SCNN1A: variants seen among roughly 807,000 people sequenced by gnomAD.
The protein encoded by SCNN1A is sodium channel epithelial 1 subunit alpha.
SCNN1A carries 65 observed loss-of-function variants against 68.6 expected under a neutral mutation model. That is an observed-to-expected ratio of 0.95 (90% CI 0.78 to 1.16). The LOEUF is 1.16. SCNN1A is among the 50% of genes most tolerant of loss of function. The probability of loss-of-function intolerance (pLI) is 0.00; values close to 1 mark genes in which losing one functional copy is unlikely to be tolerated. For missense variants in SCNN1A, 880 were observed against 865.9 expected, an observed-to-expected ratio of 1.02 and a Z score of -0.20; for synonymous variants, 357 against 353.3, an observed-to-expected ratio of 1.01 and a Z score of -0.12.
intron 3 of SCNN1A, 22 bp downstream of exon 3, chr12:6,363,421 C>T (rs1214783843): frequency 1.3e-6 from 2 of 1,514,854 alleles, no homozygotes; most frequent in Non-Finnish European, 1.8e-6. Context: ...CGGGGCGGGC[C>T]CCTCGGCGCT....
At chr12:6,375,125 CA>C (rs1437073241) in intron 1 of SCNN1A, 4 of 1,487,964 alleles carry the variant, frequency 2.7e-6, no homozygotes, top group Non-Finnish European at 2.7e-6. Flanking sequence ...TTTGTCCTAG[CA>C]CCTCCCTTTC....
rs749129164 is a variant in SCNN1A at position 6,349,363 on chromosome 12, T to A, written c.1403A>T (p.His468Leu). The change falls in exon 9 of 13, where the codon CAC (histidine) becomes CTC (leucine). Residue 468 changes from histidine to leucine, a missense_variant. Coordinates refer to ENST00000228916, the MANE Select transcript of SCNN1A (RefSeq NM_001038.6). Reference protein sequence around the residue: ...YKLQVDFSSDHLGCFTKCRKP... With the variant: ...YKLQVDFSSDLLGCFTKCRKP... Reference sequence around the variant, plus strand: ...CCGGCACTTGGTGAAACAGCCCAGGTGGTCTGAGGAGAAGTCAACCTGGAG... The same window carrying A: ...CCGGCACTTGGTGAAACAGCCCAGGAGGTCTGAGGAGAAGTCAACCTGGAG... 1.2e-6 allele frequency: 2 copies of A among 1,610,934 alleles called. No homozygotes were observed. The highest frequency in any genetic ancestry group is 1.7e-5 in the Admixed American group (1 of 59,446).
At chr12:6,376,258 C>T (rs1056666091), upstream of SCNN1A, 4 of 912,660 alleles carry the variant, frequency 4.4e-6, no homozygotes, top group African/African-American at 7.2e-5. Context: ...TCGCCACCCC[C>T]TCCAACCTTG....
intron 2 of SCNN1A, among the ~76,000 whole-genome samples, chr12:6,369,758 C>T (rs1049582914): frequency 1.3e-5 from 2 of 148,712 alleles, no homozygotes; most frequent in East Asian, 2.1e-4. Flanking sequence ...GGCATGAACC[C>T]GGGAGGCGGA....
At chr12:6,377,330 T>A, upstream of SCNN1A, 1 of 1,398,892 alleles carries the variant, frequency 7.1e-7, no homozygotes, top group South Asian at 1.3e-5. Flanking sequence ...AAACTGACCC[T>A]TCCCAAGGAT....
chr12:6,347,805 C>A lies in SCNN1A; in HGVS notation c.*68G>T. The A allele has an allele frequency of 7.2e-7, 1 of 1,390,936 alleles. No homozygotes were observed. The highest frequency in any genetic ancestry group is 2.3e-5 in the East Asian group (1 of 42,582). 86.2% of individuals were successfully genotyped at this position (1,390,936 alleles called of 1,614,324 possible). A position where few individuals can be genotyped will look rare whatever the true frequency, so the allele number is the denominator to read the frequency against. ...GAGGAAGCCCTGCACATCCTTCAAT[C>A]TTGCCAGGGCCAGCACCCTCCCACC... On this transcript the variant is annotated 3_prime_UTR_variant, in exon 13 of 13. Coordinates refer to ENST00000228916, the MANE Select transcript of SCNN1A (RefSeq NM_001038.6).
Position 6,348,990 on chromosome 12 carries a change from T to A in SCNN1A, c.1513A>T (p.Met505Leu). 1 of 1,614,030 alleles carries A rather than the reference T, an allele frequency of 6.2e-7. No homozygotes were observed. The highest frequency in any genetic ancestry group is 1.1e-5 in the South Asian group (1 of 91,068). The change falls in exon 11 of 13, where the codon ATG becomes TTG. Residue 505 changes from methionine (M) to leucine (L), a missense_variant. Coordinates refer to ENST00000228916, the MANE Select transcript of SCNN1A (RefSeq NM_001038.6). ...GTGTAATTGTTCTGTCGCGATAGCA[T>A]CTGGAAGACCCATTCCTAGGAAAGA... ...SVTSQEWVFQMLSRQNNYTVN... is the reference protein window; with the variant it reads ...SVTSQEWVFQLLSRQNNYTVN...
rs762996681 is a variant in SCNN1A at position 6,347,829 on chromosome 12, C to A, written c.*44G>T. ...TCTTGCCAGGGCCAGCACCCTCCCA[C>A]CAGAGGAGCATCTGCCTTGGTGTGA... On this transcript the variant is annotated 3_prime_UTR_variant, in exon 13 of 13. Transcript: ENST00000228916. 1.9e-6 allele frequency: 3 copies of A among 1,548,340 alleles called. No homozygotes were observed. Among genetic ancestry groups the A allele is most frequent in the Non-Finnish European group, 2.7e-6 (3 of 1,130,540 alleles).
chr12:6,363,422 C>A (rs558564075), intron 3 of SCNN1A, 21 bp downstream of exon 3: 3 of 1,520,724 alleles, frequency 2.0e-6, no homozygotes, highest in Admixed American at 2.1e-5. Context: ...GGGGCGGGCC[C>A]CTCGGCGCTG....
intron 1 of SCNN1A, chr12:6,375,121 C>G: frequency 6.7e-7 from 1 of 1,490,084 alleles, no homozygotes. Flanking sequence ...GAGTTTTGTC[C>G]TAGCACCTCC....
At chr12:6,365,061 C>G (rs1948653266) in intron 2 of SCNN1A, among the ~76,000 whole-genome samples, 1 of 142,848 alleles carries the variant, frequency 7.0e-6, no homozygotes, top group African/African-American at 2.6e-5. Context: ...CTTGCTCTGT[C>G]ACCCAAGCTG....
At position 6,372,454 on chromosome 12, in the gene SCNN1A, A is replaced by G. The variant is rs906004396; in HGVS notation, c.416+1914T>C. Among the ~76,000 whole-genome samples the G allele has an allele frequency of 3.3e-5, 5 of 152,108 alleles. No individual in the cohort carries two copies. The highest frequency in any genetic ancestry group is 1.2e-4 in the African/African-American group (5 of 41,418). ...TCCCGACTCCCACAGCAGCCCTTCA[A>G]GAAGGAGGGATTCTTTCTGGGCAGA... is the stretch of plus-strand genomic sequence containing the variant. On this transcript the variant is annotated intron_variant, in intron 2 of 12. Coordinates refer to ENST00000228916, the MANE Select transcript of SCNN1A (RefSeq NM_001038.6). The surrounding 1 kb of genome is among the most constrained non-coding windows in gnomAD (Gnocchi z 5.8).
upstream of SCNN1A, chr12:6,377,158 G>A (rs1453963867): frequency 8.7e-6 from 9 of 1,038,982 alleles, no homozygotes; most frequent in Non-Finnish European, 1.3e-5. Flanking sequence ...GGTCCAACCT[G>A]GTCTGTGGCT....
chr12:6,353,830 C>T (rs1386912562), intron 8 of SCNN1A: 1 of 146,304 alleles, frequency 6.8e-6, no homozygotes, highest in Non-Finnish European at 1.5e-5. Flanking sequence ...ACCTCGTGAT[C>T]CGCCCGCCGT....
upstream of SCNN1A, chr12:6,375,694 T>C (rs2136916916): frequency 6.9e-7 from 1 of 1,439,248 alleles, no homozygotes; most frequent in Non-Finnish European, 9.1e-7. Flanking sequence ...GTACTGGACC[T>C]GAGAAGGCGG....
Position 6,347,518 on chromosome 12 carries a change from G to A in SCNN1A, c.*355C>T, listed in dbSNP as rs1164417860. On this transcript the variant is annotated 3_prime_UTR_variant, in exon 13 of 13. Transcript: ENST00000228916. ...CATGCCTGCGTGTACCCTTGGTTGT[G>A]TTTTGTCCTGGTTATCAGCGGTTTC... 3.0e-6 allele frequency: 1 copy of A among 333,572 alleles called. No individual in the cohort carries two copies. Among genetic ancestry groups the A allele is most frequent in the East Asian group, 6.3e-5 (1 of 15,786 alleles). The allele number at this position is 333,572 out of a possible 1,614,324, so 20.7% of individuals were successfully genotyped here.
At chr12:6,352,587 G>A (rs1262003441) in intron 8 of SCNN1A, among the ~76,000 whole-genome samples, 1 of 152,186 alleles carries the variant, frequency 6.6e-6, no homozygotes, top group Non-Finnish European at 1.5e-5. Flanking sequence ...AATCACAGGT[G>A]GCATCTCCTC....
chr12:6,355,737 G>T, intron 5 of SCNN1A, 40 bp downstream of exon 5: 1 of 1,393,182 alleles, frequency 7.2e-7, no homozygotes, highest in Non-Finnish European at 1.0e-6. Flanking sequence ...GTGAGTGGCT[G>T]AAGCAGAGGG....
At chr12:6,370,478 C>T (rs902156430) in intron 2 of SCNN1A, among the ~76,000 whole-genome samples, 1 of 152,226 alleles carries the variant, frequency 6.6e-6, no homozygotes, top group East Asian at 1.9e-4. Context: ...TCTTCCCTCC[C>T]TCTTACCCCG....
Sources: gnomAD v4.1 joint callset for allele counts (sites outside exome capture counted in the v4.1 genomes callset) on GRCh38, gnomAD v4.1.1 for gene constraint, Gnocchi (gnomAD v3.1) non-coding constraint, MANE v1.5 for transcripts, NCBI Gene and HGNC (gene_info 2026-07-23, HGNC 2026-07-21) for gene names.